The following MCPH1 variants were observed in gnomAD, a reference collection of about 807,000 sequenced individuals.
MCPH1 encodes the protein microcephalin.
In MCPH1, 104 loss-of-function variants were observed where a neutral mutation model predicts 84.5. The ratio of observed to expected loss-of-function variants is 1.23; its 90% CI spans 1.05 to 1.45. The LOEUF (loss-of-function observed/expected upper bound fraction) is 1.45. Among genes scored for constraint, MCPH1 ranks in the 40% most tolerant of loss-of-function variants. The probability of loss-of-function intolerance (pLI) is 0.00; values close to 1 mark genes in which losing one functional copy is unlikely to be tolerated. For synonymous variants in MCPH1, 514 were observed against 366.8 expected (o/e 1.40, Z -4.58); for missense variants, 1,498 against 1,005.7 (o/e 1.49, Z -6.62).
At position 6,647,643 on chromosome 8, in the gene MCPH1, GAA is replaced by G. The variant is rs1046007068; in HGVS notation, c.*4596_*4597del. On this transcript the variant is annotated 3_prime_UTR_variant, in exon 14 of 14. Coordinates refer to ENST00000344683, the MANE Select transcript of MCPH1 (RefSeq NM_024596.5). ...ATGAATGAGCCTCAGAAACATAAGT[GAA>G]AGAGGTCAGACACAAAAGACTACAA... 20 of 146,498 alleles carry G rather than the reference GAA, an allele frequency of 1.4e-4. No homozygotes were observed. Among genetic ancestry groups the G allele is most frequent in the Admixed American group, 1.3e-3 (19 of 15,146 alleles). 9.1% of individuals were successfully genotyped at this position (146,498 alleles called of 1,614,324 possible).
At position 6,445,227 on chromosome 8, in the gene MCPH1, C is replaced by T; in HGVS notation, c.1505C>T (p.Ala502Val). The T allele has an allele frequency of 6.2e-7, 1 of 1,614,216 alleles. No homozygotes were observed. Among genetic ancestry groups the T allele is most frequent in the Non-Finnish European group, 8.5e-7 (1 of 1,180,046 alleles). Residue 502 changes from alanine (A) to valine (V), a missense_variant, in exon 8 of 14, where the codon GCC becomes GTC. By Grantham distance (64) the Ala-to-Val change is moderately conservative. Coordinates refer to ENST00000344683, the MANE Select transcript of MCPH1 (RefSeq NM_024596.5). ...GRATSSCVTSAPEEALRCCRQ... is the reference protein window; with the variant it reads ...GRATSSCVTSVPEEALRCCRQ... Reference sequence around the variant, plus strand: ...GCAACTTCGAGTTGCGTGACTTCTGCCCCTGAAGAAGCCCTAAGGTGTTGT... The same window carrying T: ...GCAACTTCGAGTTGCGTGACTTCTGTCCCTGAAGAAGCCCTAAGGTGTTGT...
intron 9 of MCPH1, among the ~76,000 whole-genome samples, chr8:6,468,826 G>A (rs1374660702): frequency 1.3e-5 from 2 of 152,054 alleles, no homozygotes; most frequent in Non-Finnish European, 2.9e-5. Context: ...GTGAATTTGA[G>A]TAAAAAACAG....
Position 6,645,275 on chromosome 8 carries a change from AT to A in MCPH1, c.*2230del, listed in dbSNP as rs1480479398. ...CAAGATTCTCTTTCTGAAAGCTAGT[AT>A]TTTATGAGGACTGACTGTTGCTAGA... On this transcript the variant is annotated 3_prime_UTR_variant, in exon 14 of 14. Coordinates refer to ENST00000344683, the MANE Select transcript of MCPH1 (RefSeq NM_024596.5). 1 of 152,190 alleles carries A rather than the reference AT, an allele frequency of 6.6e-6. No homozygotes were observed. Among genetic ancestry groups the A allele is most frequent in the East Asian group, 1.9e-4 (1 of 5,190 alleles). 9.4% of individuals were successfully genotyped at this position (152,190 alleles called of 1,614,324 possible).
At position 6,544,175 on chromosome 8, in the gene MCPH1, C is replaced by T. The variant is rs548170850; in HGVS notation, c.2214+44246C>T. Among the ~76,000 whole-genome samples, 226 of 152,280 alleles carry T rather than the reference C, an allele frequency of 1.5e-3. 1 individual carries two copies. The highest frequency in any genetic ancestry group is 1.7e-3 in the Non-Finnish European group (118 of 68,024). On this transcript the variant is annotated intron_variant, in intron 12 of 13. Coordinates refer to ENST00000344683, the MANE Select transcript of MCPH1 (RefSeq NM_024596.5). ...AATTTGGTAGGAAGTGTAACAAGTACGAATCAACATATTTACCATTTGCCA... is the reference window on the plus strand; with the variant it reads ...AATTTGGTAGGAAGTGTAACAAGTATGAATCAACATATTTACCATTTGCCA...
intron 9 of MCPH1, chr8:6,473,986 G>T: frequency 9.8e-7 from 1 of 1,015,582 alleles, no homozygotes; most frequent in Middle Eastern, 2.3e-4. Context: ...AAAGAACTTG[G>T]AAAATCTCAC....
chr8:6,429,606 T>C (rs1160677052), intron 3 of MCPH1, among the ~76,000 whole-genome samples: 1 of 152,192 alleles, frequency 6.6e-6, no homozygotes. Flanking sequence ...TTATGTCTTT[T>C]TGTTTTCCTT....
chr8:6,618,551 T>C (rs1198873888), intron 12 of MCPH1: 1 of 152,150 alleles, frequency 6.6e-6, no homozygotes, highest in Non-Finnish European at 1.5e-5. Flanking sequence ...TGTGTGTGTG[T>C]TGTGTGTGCA....
intron 7 of MCPH1, 70 bp from the exon 8 acceptor site, chr8:6,444,323 T>G (rs1803936550): frequency 1.5e-5 from 23 of 1,582,282 alleles, no homozygotes; most frequent in Non-Finnish European, 1.9e-5. Flanking sequence ...GTTTTATTGG[T>G]CAACTGAAAG....
chr8:6,575,498 C>G (rs1023830066), intron 12 of MCPH1, among the ~76,000 whole-genome samples: 1 of 152,138 alleles, frequency 6.6e-6, no homozygotes, highest in Non-Finnish European at 1.5e-5. Flanking sequence ...GGTGTCTATA[C>G]AATGTTGCAA....
At chr8:6,413,910 A>T (rs997693021) in intron 2 of MCPH1, among the ~76,000 whole-genome samples, 2 of 151,996 alleles carry the variant, frequency 1.3e-5, no homozygotes, top group Admixed American at 1.3e-4. Context: ...ACGAACCTCC[A>T]CGCTTGGCTA....
intron 9 of MCPH1, among the ~76,000 whole-genome samples, chr8:6,466,799 C>T (rs1452332196): frequency 6.6e-6 from 1 of 152,056 alleles, no homozygotes; most frequent in African/African-American, 2.4e-5. Flanking sequence ...TGGTCTCAAA[C>T]TCCTGACCTC....
chr8:6,532,647 A>G (rs1200075766), intron 12 of MCPH1, among the ~76,000 whole-genome samples: 2 of 146,288 alleles, frequency 1.4e-5, no homozygotes, highest in Admixed American at 6.8e-5. Flanking sequence ...ATTTTTTTTT[A>G]TCATTAGGAA....
intron 13 of MCPH1, among the ~76,000 whole-genome samples, chr8:6,633,215 A>T (rs904728924): frequency 5.4e-5 from 2 of 36,756 alleles, no homozygotes; most frequent in African/African-American, 3.2e-4. Flanking sequence ...GAATAAAATA[A>T]AAAAAAATTA....
At chr8:6,469,685 A>G (rs1585954555) in intron 9 of MCPH1, among the ~76,000 whole-genome samples, 1 of 152,240 alleles carries the variant, frequency 6.6e-6, no homozygotes, top group Non-Finnish European at 1.5e-5. Context: ...AACCCAAAAG[A>G]TTTCAAAGAA....
At chr8:6,445,954 A>G in intron 8 of MCPH1, 1 of 983,948 alleles carries the variant, frequency 1.0e-6, no homozygotes, top group East Asian at 1.1e-4. Flanking sequence ...TATTTAAAGA[A>G]AGAAATTAAG....
intron 12 of MCPH1, among the ~76,000 whole-genome samples, chr8:6,551,458 T>G (rs543347240): frequency 5.3e-5 from 8 of 152,244 alleles, no homozygotes; most frequent in Non-Finnish European, 1.0e-4. Flanking sequence ...GTGTTTGTTA[T>G]TACCCAGAAG....
At chr8:6,454,574 A>G (rs1437685626) in intron 8 of MCPH1, among the ~76,000 whole-genome samples, 1 of 152,212 alleles carries the variant, frequency 6.6e-6, no homozygotes, top group Non-Finnish European at 1.5e-5. Context: ...TACAGAGGTT[A>G]GCATCTAAGG....
At chr8:6,424,628 C>T (rs1004729460) in intron 3 of MCPH1, among the ~76,000 whole-genome samples, 4 of 152,336 alleles carry the variant, frequency 2.6e-5, no homozygotes, top group African/African-American at 4.8e-5. Flanking sequence ...CAGTTTGGAA[C>T]GGTCTGATGT....
At chr8:6,525,958 A>G (rs559736157) in intron 12 of MCPH1, among the ~76,000 whole-genome samples, 128 of 152,302 alleles carry the variant, frequency 8.4e-4, no homozygotes, top group African/African-American at 2.7e-3. Context: ...TTGAAACCCA[A>G]GTGGGGAAAC....
Sources: allele counts gnomAD v4.1 joint callset (sites outside exome capture counted in the v4.1 genomes callset), GRCh38; gene constraint gnomAD v4.1.1; transcripts MANE v1.5; gene names NCBI Gene and HGNC (gene_info 2026-07-23, HGNC 2026-07-21).